The following TULP4 variants were observed in gnomAD, a reference collection of about 807,000 sequenced individuals.
TULP4 encodes TUB like protein 4.
Under a neutral mutation model 129.0 loss-of-function variants are expected in TULP4, and 16 were observed. The ratio of observed to expected loss-of-function variants is 0.12; its 90% CI spans 0.08 to 0.19. The LOEUF (loss-of-function observed/expected upper bound fraction) is 0.19, where lower values mean the gene tolerates loss of function less well. Ranked by LOEUF, TULP4 falls within the 10% of genes least tolerant of loss-of-function variation. TULP4 has a pLI of 1.00. For missense variants in TULP4, 1,842 were observed against 2,059.1 expected, an observed-to-expected ratio of 0.89 and a Z score of 2.04; for synonymous variants, 998 against 854.0, an observed-to-expected ratio of 1.17 and a Z score of -2.94.
At chr6:158,240,801 C>T (rs1777879978) in intron 1 of TULP4, among the ~76,000 whole-genome samples, 1 of 148,202 alleles carries the variant, frequency 6.7e-6, no homozygotes. Context: ...GGGGGCTGAA[C>T]CCCCCACCTC....
At chr6:158,245,798 C>T (rs187694243) in intron 1 of TULP4, among the ~76,000 whole-genome samples, 9 of 152,248 alleles carry the variant, frequency 5.9e-5, no homozygotes, top group Non-Finnish European at 1.3e-4. Context: ...GTTACATAAA[C>T]ATAGGCACAG....
At chr6:158,416,094 G>T (rs761345686) in intron 2 of TULP4, among the ~76,000 whole-genome samples, 3 of 152,182 alleles carry the variant, frequency 2.0e-5, no homozygotes, top group Non-Finnish European at 4.4e-5. Context: ...CATCCAGCAC[G>T]GGAGAGAGAT....
rs869146924 is a variant in TULP4, at chr6:158,453,485, C to CAAAAAAAAAAAAAAAAAAAAA, written c.859+1221_859+1241dup. 5.0e-4 allele frequency among the ~76,000 whole-genome samples: 9 copies of CAAAAAAAAAAAAAAAAAAAAA among 17,982 alleles called. 1 individual carries two copies. The highest frequency in any genetic ancestry group is 1.5e-3 in the African/African-American group (7 of 4,794). The allele number at this position is 17,982 out of a possible 152,430, so 11.8% of individuals were successfully genotyped here. The stretch of plus-strand genomic sequence containing the variant: ...GGTGACAGAGCGAGACTCTGTCTCA[C>CAAAAAAAAAAAAAAAAAAAAA]AAAAAAAAAAAAAAAAAAAAAAAAG... On this transcript the variant is annotated intron_variant, in intron 5 of 13. Coordinates refer to ENST00000367097, the MANE Select transcript of TULP4 (RefSeq NM_020245.5).
At chr6:158,470,671 A>C (rs1284810805) in intron 6 of TULP4, among the ~76,000 whole-genome samples, 1 of 152,218 alleles carries the variant, frequency 6.6e-6, no homozygotes, top group Non-Finnish European at 1.5e-5. Flanking sequence ...CAAACAAGAG[A>C]ACAACAGTTG....
chr6:158,352,736 T>G (rs1283748470), intron 1 of TULP4, among the ~76,000 whole-genome samples: 1 of 152,240 alleles, frequency 6.6e-6, no homozygotes, highest in Non-Finnish European at 1.5e-5. Flanking sequence ...AGTAAATTTT[T>G]TAATGTTGGA....
At chr6:158,381,836 G>C (rs942211082) in intron 1 of TULP4, among the ~76,000 whole-genome samples, 1 of 152,164 alleles carries the variant, frequency 6.6e-6, no homozygotes, top group African/African-American at 2.4e-5. Flanking sequence ...TCAGGTAAAT[G>C]AATTTTCTCT....
intron 1 of TULP4, among the ~76,000 whole-genome samples, chr6:158,388,316 GTTTTTCTT>G (rs1583824618): frequency 1.1e-5 from 1 of 92,822 alleles, no homozygotes; most frequent in African/African-American, 4.7e-5. Context: ...TAATCTGCTC[GTTTTTCTT>G]TTTTTTTTTT....
intron 1 of TULP4, among the ~76,000 whole-genome samples, chr6:158,333,567 C>T (rs757040322): frequency 2.0e-5 from 3 of 152,212 alleles, no homozygotes; most frequent in Non-Finnish European, 4.4e-5. Context: ...TTCACCTTCC[C>T]TCTGCCCACC....
chr6:158,308,520 A>T (rs1779260194), upstream of TULP4, among the ~76,000 whole-genome samples: 2 of 151,324 alleles, frequency 1.3e-5, no homozygotes, highest in African/African-American at 4.9e-5. Flanking sequence ...TGTTGGGTAC[A>T]CCTCCCAGAC....
chr6:158,353,642 G>A (rs1346305026), intron 1 of TULP4, among the ~76,000 whole-genome samples: 1 of 152,110 alleles, frequency 6.6e-6, no homozygotes. Context: ...ATTCGTTCAG[G>A]TGTCACTTTA....
intron 1 of TULP4, among the ~76,000 whole-genome samples, chr6:158,295,961 C>A (rs893727974): frequency 6.6e-6 from 1 of 152,150 alleles, no homozygotes; most frequent in African/African-American, 2.4e-5. Context: ...CTCACAATAG[C>A]CACCCCCCAA....
At chr6:158,332,047 C>G (rs1779907925) in intron 1 of TULP4, among the ~76,000 whole-genome samples, 1 of 149,218 alleles carries the variant, frequency 6.7e-6, no homozygotes, top group South Asian at 2.1e-4. Context: ...TGGCACACAC[C>G]TATAATCCTA....
rs573106609 is a variant in TULP4 at position 158,350,150 on chromosome 6, C to T, written c.252+35882C>T. ...TCGGGGCAACCGAGCAGAGGCGCTC[C>T]TCACTTCCTCCCAGACGGGGCGGCC... On this transcript the variant is annotated intron_variant, in intron 1 of 13. Transcript: ENST00000367097. Among the ~76,000 whole-genome samples, 21 of 151,728 alleles carry T rather than the reference C, an allele frequency of 1.4e-4. No individual in the cohort carries two copies. The East Asian group carries it at 2.3e-3, about 17-fold the overall frequency.
intron 1 of TULP4, among the ~76,000 whole-genome samples, chr6:158,330,173 T>A (rs1383738329): frequency 6.6e-6 from 1 of 152,172 alleles, no homozygotes; most frequent in African/African-American, 2.4e-5. Flanking sequence ...ATCTGGCACA[T>A]CTCAATTTGG....
chr6:158,354,954 G>T (rs1780611624), intron 1 of TULP4, among the ~76,000 whole-genome samples: 2 of 151,166 alleles, frequency 1.3e-5, no homozygotes, highest in South Asian at 4.2e-4. Context: ...ATAAATAATT[G>T]CCATACAGGA....
chr6:158,499,049 G>A (rs577029027), intron 12 of TULP4, among the ~76,000 whole-genome samples: 42 of 152,334 alleles, frequency 2.8e-4, no homozygotes, highest in Middle Eastern at 3.4e-3. Flanking sequence ...TAGCAGCGGC[G>A]CCTTGTGTTT....
chr6:158,328,664 G>A (rs1406232324), intron 1 of TULP4, among the ~76,000 whole-genome samples: 1 of 152,138 alleles, frequency 6.6e-6, no homozygotes, highest in Non-Finnish European at 1.5e-5. Context: ...CAGGTGGGAG[G>A]TGTCCCCGCT....
chr6:158,306,570 A>C (rs1779219482), intron 1 of TULP4, among the ~76,000 whole-genome samples: 1 of 152,194 alleles, frequency 6.6e-6, no homozygotes, highest in African/African-American at 2.4e-5. Context: ...ATAAAGAAAG[A>C]AGGAAAGATA....
intron 1 of TULP4, among the ~76,000 whole-genome samples, chr6:158,337,991 T>G (rs1780086726): frequency 6.6e-6 from 1 of 152,300 alleles, no homozygotes; most frequent in East Asian, 1.9e-4. Flanking sequence ...CCAACCTGTC[T>G]CCACCCAACA....
Sources: allele counts gnomAD v4.1 joint callset (sites outside exome capture counted in the v4.1 genomes callset), GRCh38; gene constraint gnomAD v4.1.1; transcripts MANE v1.5; gene names NCBI Gene and HGNC (gene_info 2026-07-23, HGNC 2026-07-21).